Variants in VPS13B observed in about 807,000 individuals in gnomAD.
VPS13B encodes the protein intermembrane lipid transfer protein VPS13B.
Under a neutral mutation model 426.4 loss-of-function variants are expected in VPS13B, and 285 were observed. The observed-to-expected ratio is 0.67, with a 90% CI of 0.61 to 0.74. The LOEUF (loss-of-function observed/expected upper bound fraction) is 0.74, where lower values mean the gene tolerates loss of function less well. Among genes scored for constraint, VPS13B ranks in the 30% least tolerant of loss-of-function variants. The pLI is 0.00. For synonymous variants in VPS13B, 1,676 were observed against 1,676.4 expected (o/e 1.00, Z 0.01); for missense variants, 4,537 against 4,782.6 (o/e 0.95, Z 1.51).
chr8:99,130,477 T>G (rs898779797), intron 8 of VPS13B, among the ~76,000 whole-genome samples: 4 of 149,698 alleles, frequency 2.7e-5, no homozygotes. Context: ...AAGCTCTGCC[T>G]CCCGGGTTCA....
At chr8:99,296,591 A>T (rs1373714208) in intron 19 of VPS13B, among the ~76,000 whole-genome samples, 2 of 152,204 alleles carry the variant, frequency 1.3e-5, no homozygotes, top group African/African-American at 2.4e-5. Flanking sequence ...TTATGCAAGG[A>T]TGGTAATTGC....
chr8:99,720,039 G>C (rs1489260393), intron 37 of VPS13B, among the ~76,000 whole-genome samples: 1 of 152,098 alleles, frequency 6.6e-6, no homozygotes, highest in African/African-American at 2.4e-5. Flanking sequence ...TATAATAGGT[G>C]TTCTTTTCCC....
intron 30 of VPS13B, among the ~76,000 whole-genome samples, chr8:99,526,580 CA>C (rs1422024281): frequency 3.3e-5 from 5 of 152,036 alleles, no homozygotes; most frequent in African/African-American, 1.2e-4. Flanking sequence ...AAAGATAATT[CA>C]GTTATATATG....
intron 22 of VPS13B, among the ~76,000 whole-genome samples, chr8:99,439,904 T>C (rs1429794494): frequency 6.6e-6 from 1 of 152,116 alleles, no homozygotes; most frequent in Non-Finnish European, 1.5e-5. Flanking sequence ...GAGGCATATA[T>C]CTTTCAAATA....
intron 19 of VPS13B, among the ~76,000 whole-genome samples, chr8:99,352,473 T>G (rs1384074644): frequency 2.0e-5 from 3 of 152,080 alleles, no homozygotes; most frequent in Non-Finnish European, 2.9e-5. Context: ...AAGAATAAAG[T>G]TGAGTTTTAA....
chr8:99,178,975 A>G (rs1812793403), intron 16 of VPS13B, among the ~76,000 whole-genome samples: 1 of 152,204 alleles, frequency 6.6e-6, no homozygotes, highest in Non-Finnish European at 1.5e-5. Flanking sequence ...GTTGATTAAT[A>G]GCTATTAATA....
At chr8:99,519,839 A>G (rs1013702858) in intron 29 of VPS13B, among the ~76,000 whole-genome samples, 12 of 152,008 alleles carry the variant, frequency 7.9e-5, no homozygotes, top group Non-Finnish European at 1.8e-4. Flanking sequence ...ATTAGGAGAT[A>G]TACCTAATGT....
At chr8:99,793,254 CAT>C (rs779913773) in intron 43 of VPS13B, among the ~76,000 whole-genome samples, 3,163 of 106,842 alleles carry the variant, frequency 0.03, 126 homozygotes, top group African/African-American at 0.099. Context: ...TTGCCCTCTC[CAT>C]ATATATATAT....
chr8:99,114,396 A>G lies in VPS13B; in HGVS notation c.763-1304A>G, dbSNP rs1327538662. ...CATTTGTTCTTTGTATTATCAGTTCAGGTTCTTTATCCATTTTTCTACTGA... is the reference window on the plus strand; with the variant it reads ...CATTTGTTCTTTGTATTATCAGTTCGGGTTCTTTATCCATTTTTCTACTGA... On this transcript the variant is annotated intron_variant, in intron 6 of 61. Coordinates refer to ENST00000357162, the MANE Select transcript of VPS13B (RefSeq NM_152564.5). Among the ~76,000 whole-genome samples, 3 of 152,304 alleles carry G rather than the reference A, an allele frequency of 2.0e-5. No individual in the cohort carries two copies. The East Asian group carries it at 5.8e-4, about 29-fold the overall frequency.
intron 31 of VPS13B, among the ~76,000 whole-genome samples, chr8:99,564,141 A>G (rs887432820): frequency 2.0e-5 from 3 of 152,178 alleles, no homozygotes; most frequent in African/African-American, 4.8e-5. Flanking sequence ...GAGAATCATC[A>G]GATTTTAAAA....
intron 27 of VPS13B, among the ~76,000 whole-genome samples, chr8:99,505,739 G>C (rs1042516436): frequency 6.6e-6 from 1 of 152,004 alleles, no homozygotes; most frequent in Admixed American, 6.6e-5. Context: ...TGGAAAAAAC[G>C]CTGCTGATGG....
At chr8:99,402,906 A>C (rs1309698644) in intron 21 of VPS13B, among the ~76,000 whole-genome samples, 1 of 152,250 alleles carries the variant, frequency 6.6e-6, no homozygotes, top group African/African-American at 2.4e-5. Context: ...ACAACTACTA[A>C]CCAATTGCCT....
intron 29 of VPS13B, among the ~76,000 whole-genome samples, chr8:99,517,218 C>T (rs906128463): frequency 1.3e-5 from 2 of 152,126 alleles, no homozygotes; most frequent in Non-Finnish European, 2.9e-5. Context: ...CTCCAAAACA[C>T]TTTTATTCAG....
chr8:99,540,186 T>A (rs1588476301), intron 30 of VPS13B, among the ~76,000 whole-genome samples: 1 of 143,668 alleles, frequency 7.0e-6, no homozygotes, highest in Non-Finnish European at 1.5e-5. Context: ...TTCACACCAT[T>A]CTCCTGCCTC....
intron 17 of VPS13B, among the ~76,000 whole-genome samples, chr8:99,223,870 A>G (rs2132836818): frequency 6.6e-6 from 1 of 152,364 alleles, no homozygotes; most frequent in South Asian, 2.1e-4. Flanking sequence ...AGTATGGCGA[A>G]GTATAGTAAG....
In VPS13B at chr8:99,703,877, A is replaced by T. The variant is rs560411070; in HGVS notation, c.6454+3945A>T. Reference sequence around the variant, plus strand: ...AGCACACAGTTGAGAGCTGTGAAATAGCTGAACTTTAGGCTGCCTTGCTCT... The same window carrying T: ...AGCACACAGTTGAGAGCTGTGAAATTGCTGAACTTTAGGCTGCCTTGCTCT... On this transcript the variant is annotated intron_variant, in intron 36 of 61. Transcript: ENST00000357162. 3.3e-5 allele frequency among the ~76,000 whole-genome samples: 5 copies of T among 152,264 alleles called. No individual in the cohort carries two copies. In the East Asian group the frequency reaches 9.7e-4, roughly 29 times the overall value.
At chr8:99,788,651 T>C (rs1563917781) in intron 43 of VPS13B, among the ~76,000 whole-genome samples, 2 of 152,304 alleles carry the variant, frequency 1.3e-5, no homozygotes, top group Middle Eastern at 3.4e-3. Context: ...AGTGTGGCTG[T>C]GTGCCAATGA....
chr8:99,158,062 G>T (rs1811452425), intron 15 of VPS13B, among the ~76,000 whole-genome samples: 1 of 152,192 alleles, frequency 6.6e-6, no homozygotes. Context: ...AAAGTGCAAG[G>T]TGAAACAGCA....
chr8:99,868,014 G>C, intron 58 of VPS13B: 1 of 408,514 alleles, frequency 2.4e-6, no homozygotes, highest in Non-Finnish European at 4.6e-6. Context: ...ATGACACTCT[G>C]AATAGCCTGA....
Sources: allele counts gnomAD v4.1 joint callset (sites outside exome capture counted in the v4.1 genomes callset), GRCh38; gene constraint gnomAD v4.1.1; transcripts MANE v1.5; gene names NCBI Gene and HGNC (gene_info 2026-07-23, HGNC 2026-07-21).